Variants in GCSAML observed in about 807,000 individuals in gnomAD.
The protein encoded by GCSAML is germinal center-associated signaling and motility-like protein.
A neutral mutation model predicts 13.0 loss-of-function variants in GCSAML; 9 were observed. That is an observed-to-expected ratio of 0.69 (90% CI 0.42 to 1.21). The LOEUF (loss-of-function observed/expected upper bound fraction) is 1.21. Ranked by LOEUF, GCSAML falls within the 50% of genes most tolerant of loss-of-function variation. The pLI is 0.00. For synonymous variants in GCSAML, 37 were observed against 52.9 expected, an observed-to-expected ratio of 0.70 and a Z score of 1.31; for missense variants, 143 against 153.4, an observed-to-expected ratio of 0.93 and a Z score of 0.36.
At chr1:247,561,784 T>C (rs536985694) in intron 2 of GCSAML, among the ~76,000 whole-genome samples, 9 of 152,246 alleles carry the variant, frequency 5.9e-5, no homozygotes. Context: ...AGTAGATCAT[T>C]TGTGAGATAA....
intron 2 of GCSAML, among the ~76,000 whole-genome samples, chr1:247,557,596 GT>G (rs1667999309): frequency 6.6e-6 from 1 of 152,142 alleles, no homozygotes; most frequent in Non-Finnish European, 1.5e-5. Context: ...GTATCTGTTG[GT>G]GATGTGAAAT....
chr1:247,556,601 T>A, intron 2 of GCSAML, 135 bp downstream of exon 2: 3 of 596,196 alleles, frequency 5.0e-6, no homozygotes, highest in Non-Finnish European at 8.8e-6. Flanking sequence ...GGTGATTACC[T>A]GCATGACTTG....
At chr1:247,513,542 C>A (rs377057956) in intron 1 of GCSAML, among the ~76,000 whole-genome samples, 1 of 152,190 alleles carries the variant, frequency 6.6e-6, no homozygotes, top group Non-Finnish European at 1.5e-5. Context: ...GCATTCCAGG[C>A]GCCACTTGTG....
intron 2 of GCSAML, chr1:247,531,770 C>T (rs1225334626): frequency 6.2e-7 from 1 of 1,614,210 alleles, no homozygotes; most frequent in South Asian, 1.1e-5. Flanking sequence ...AGAGACACCA[C>T]AGCCACGTGG....
At chr1:247,508,887 C>A (rs1403872221) in intron 1 of GCSAML, among the ~76,000 whole-genome samples, 1 of 152,120 alleles carries the variant, frequency 6.6e-6, no homozygotes, top group Non-Finnish European at 1.5e-5. Flanking sequence ...CGGTATCATG[C>A]TATTTTGGTT....
intron 4 of GCSAML, 101 bp downstream of exon 4, chr1:247,566,060 C>T: frequency 1.4e-6 from 1 of 733,030 alleles, no homozygotes; most frequent in Non-Finnish European, 2.2e-6. Context: ...AGAGTAGCAT[C>T]TGTCTTCCTT....
intron 2 of GCSAML, among the ~76,000 whole-genome samples, chr1:247,560,729 A>G (rs1364039939): frequency 6.6e-6 from 1 of 152,126 alleles, no homozygotes; most frequent in African/African-American, 2.4e-5. Flanking sequence ...TAATATATTT[A>G]TTATCTCAGA....
chr1:247,539,762 T>C (rs1445913378), intron 2 of GCSAML, among the ~76,000 whole-genome samples: 1 of 152,200 alleles, frequency 6.6e-6, no homozygotes, highest in African/African-American at 2.4e-5. Flanking sequence ...CAGATTACAA[T>C]CATTTTTACA....
At chr1:247,540,356 G>A (rs1667371501) in intron 2 of GCSAML, among the ~76,000 whole-genome samples, 1 of 152,176 alleles carries the variant, frequency 6.6e-6, no homozygotes, top group Admixed American at 6.5e-5. Flanking sequence ...ACAAGTGCTT[G>A]GCTGAGGCCT....
intron 2 of GCSAML, among the ~76,000 whole-genome samples, chr1:247,560,122 G>T (rs932937539): frequency 6.6e-6 from 1 of 152,226 alleles, no homozygotes. Flanking sequence ...TTAAGAGAGA[G>T]TGGACAAGCA....
intron 2 of GCSAML, 41 bp downstream of exon 2, chr1:247,556,507 T>A: frequency 6.8e-7 from 1 of 1,467,190 alleles, no homozygotes; most frequent in Non-Finnish European, 9.4e-7. Flanking sequence ...TTTTGTTTTG[T>A]TTTGTTTTTT....
chr1:247,559,088 T>C (rs952635815), intron 2 of GCSAML, among the ~76,000 whole-genome samples: 1 of 152,198 alleles, frequency 6.6e-6, no homozygotes, highest in Non-Finnish European at 1.5e-5. Context: ...ACTGCCTATT[T>C]CATCAGCACG....
At chr1:247,546,395 G>A (rs1667571771), upstream of GCSAML, among the ~76,000 whole-genome samples, 1 of 152,016 alleles carries the variant, frequency 6.6e-6, no homozygotes, top group Non-Finnish European at 1.5e-5. Flanking sequence ...GTCTCGCTCT[G>A]TCACCCAGGC....
chr1:247,511,337 C>CTCTG (rs1336979387), intron 1 of GCSAML, among the ~76,000 whole-genome samples: 23 of 151,970 alleles, frequency 1.5e-4, no homozygotes, highest in Non-Finnish European at 2.1e-4. Flanking sequence ...GGATTGCAAC[C>CTCTG]TCTGCTTTTT....
intron 2 of GCSAML, among the ~76,000 whole-genome samples, chr1:247,539,856 ACT>A (rs1667349069): frequency 6.6e-6 from 1 of 152,056 alleles, no homozygotes; most frequent in African/African-American, 2.4e-5. Context: ...TTCCTACCTG[ACT>A]CTGTAAATAC....
At chr1:247,535,247 C>G (rs1667173386) in intron 2 of GCSAML, among the ~76,000 whole-genome samples, 1 of 152,118 alleles carries the variant, frequency 6.6e-6, no homozygotes, top group Non-Finnish European at 1.5e-5. Context: ...CCCACGAGAT[C>G]AAGGCTGTAA....
At chr1:247,528,976 G>C (rs1003444088) in intron 2 of GCSAML, 4 of 152,136 alleles carry the variant, frequency 2.6e-5, no homozygotes, top group Non-Finnish European at 5.9e-5. Flanking sequence ...TTGCCAGCAG[G>C]CTTGCTCATT....
At position 247,577,112 on chromosome 1, in the gene GCSAML, A is replaced by G. The variant is rs1306810512; in HGVS notation, c.*2730A>G. 1 of 152,214 alleles carries G rather than the reference A, an allele frequency of 6.6e-6. No homozygotes were observed. Among genetic ancestry groups the G allele is most frequent in the Non-Finnish European group, 1.5e-5 (1 of 68,034 alleles). The allele number at this position is 152,214 out of a possible 1,614,324, so 9.4% of individuals were successfully genotyped here. A position where few individuals can be genotyped will look rare whatever the true frequency, so the allele number is the denominator to read the frequency against. ...AATGTAACTATCTTATGTGGTTATGAAGAACAATAGAATCATTGCTGTATA... is the reference window on the plus strand; with the variant it reads ...AATGTAACTATCTTATGTGGTTATGGAGAACAATAGAATCATTGCTGTATA... On this transcript the variant is annotated 3_prime_UTR_variant, in exon 5 of 5. Coordinates refer to ENST00000366488, the MANE Select transcript of GCSAML (RefSeq NM_145278.5).
chr1:247,572,248 G>A (rs1308061061), intron 4 of GCSAML, among the ~76,000 whole-genome samples: 2 of 152,060 alleles, frequency 1.3e-5, no homozygotes, highest in African/African-American at 2.4e-5. Flanking sequence ...CCTTGCTGGC[G>A]AGGAGTTGTG....
Sources: allele counts gnomAD v4.1 joint callset (sites outside exome capture counted in the v4.1 genomes callset), GRCh38; gene constraint gnomAD v4.1.1; transcripts MANE v1.5; gene names NCBI Gene and HGNC (gene_info 2026-07-23, HGNC 2026-07-21).